The following PRRC2B variants were observed in gnomAD, a reference collection of about 807,000 sequenced individuals.
PRRC2B encodes the protein protein PRRC2B.
A neutral mutation model predicts 242.3 loss-of-function variants in PRRC2B; 68 were observed. The observed-to-expected ratio is 0.28, with a 90% confidence interval of 0.23 to 0.34. The LOEUF (loss-of-function observed/expected upper bound fraction) is 0.34. PRRC2B is among the 10% of genes least tolerant of loss of function. PRRC2B has a pLI of 1.00. For missense variants in PRRC2B, 2,835 were observed against 2,954.8 expected, an observed-to-expected ratio of 0.96 and a Z score of 0.94; for synonymous variants, 1,228 against 1,173.6, an observed-to-expected ratio of 1.05 and a Z score of -0.95.
Position 131,430,141 on chromosome 9 carries a change from C to T in PRRC2B, c.-4C>T, listed in dbSNP as rs780913704. On this transcript the variant is annotated 5_prime_UTR_variant, in exon 2 of 32. Transcript: ENST00000683519. Reference sequence around the variant, plus strand: ...ATTTCCTTACTAGATGACATTTCATCGCAATGTCCGATCGTTTGGGGCAAA... The same window carrying T: ...ATTTCCTTACTAGATGACATTTCATTGCAATGTCCGATCGTTTGGGGCAAA... 6 of 1,567,168 alleles carry T rather than the reference C, an allele frequency of 3.8e-6. No individual in the cohort carries two copies. The highest frequency in any genetic ancestry group is 1.8e-5 in the Admixed American group (1 of 57,000).
At chr9:131,492,327 C>A in intron 30 of PRRC2B, 67 bp downstream of exon 30, 2 of 1,323,036 alleles carry the variant, frequency 1.5e-6, no homozygotes, top group Non-Finnish European at 2.2e-6. Context: ...GGCCCAGTGA[C>A]TCAGAAGAAT....
At chr9:131,464,289 T>C (rs1943329175) in intron 11 of PRRC2B, among the ~76,000 whole-genome samples, 1 of 152,206 alleles carries the variant, frequency 6.6e-6, no homozygotes, top group African/African-American at 2.4e-5. Context: ...TGACAGTGAA[T>C]TTCATTTTCC....
chr9:131,475,990 C>T lies in PRRC2B; in HGVS notation c.3861C>T (p.His1287=), dbSNP rs779437564. 1.1e-5 allele frequency: 18 copies of T among 1,607,814 alleles called. No homozygotes were observed. In the Admixed American group the frequency reaches 1.2e-4, roughly 10 times the overall value. ...EDKRSFFQDE[H]VADSENAENR... is the part of the protein sequence containing the mutation. ...AGAGATCCTTCTTCCAAGATGAACA[C>T]GTGGCAGATTCTGAAAATGCAGAGA... Residue 1287 remains histidine, a synonymous_variant, in exon 16 of 32, where the codon CAC becomes CAT. Transcript: ENST00000683519.
At chr9:131,489,601 A>G (rs1311697554) in intron 28 of PRRC2B, among the ~76,000 whole-genome samples, 3 of 148,416 alleles carry the variant, frequency 2.0e-5, no homozygotes, top group South Asian at 4.3e-4. Context: ...GTCAACCCCC[A>G]CCCTCCTAGC....
chr9:131,452,316 G>C (rs184831990), intron 9 of PRRC2B, among the ~76,000 whole-genome samples: 106 of 152,194 alleles, frequency 7.0e-4, no homozygotes, highest in Admixed American at 1.6e-3. Flanking sequence ...TGCCTGGCCA[G>C]TATTACTTTA....
intron 1 of PRRC2B, among the ~76,000 whole-genome samples, chr9:131,412,110 A>T (rs1201666554): frequency 6.6e-6 from 1 of 152,018 alleles, no homozygotes; most frequent in African/African-American, 2.4e-5. Flanking sequence ...CCTGGCCTGA[A>T]TTTTTCTTAA....
At chr9:131,481,346 T>C (rs1045851706) in intron 19 of PRRC2B, among the ~76,000 whole-genome samples, 30 of 151,376 alleles carry the variant, frequency 2.0e-4, no homozygotes, top group African/African-American at 5.4e-4. Flanking sequence ...AGATATATTT[T>C]TTAATGTAAA....
chr9:131,495,785 C>A lies in PRRC2B; in HGVS notation c.6601C>A (p.Leu2201Met), dbSNP rs1428353366. Residue 2201 changes from leucine to methionine, a missense_variant, in exon 32 of 32, where the codon CTG becomes ATG. Leu to Met is a conservative substitution (Grantham distance 15, BLOSUM62 2). Coordinates refer to ENST00000683519, the MANE Select transcript of PRRC2B (RefSeq NM_013318.4). ...GAAACCCAGCCTGGGAGCCGTGAAG[C>A]TGCAGGAGGCCCCCTCGGCTGCCTC... The part of the protein sequence containing the change: ...DEKPSLGAVK[L>M]QEAPSAASQM... 4 of 1,612,956 alleles carry A rather than the reference C, an allele frequency of 2.5e-6. No homozygotes were observed. Among genetic ancestry groups the A allele is most frequent in the Non-Finnish European group, 3.4e-6 (4 of 1,179,016 alleles).
rs534595119 is a variant in PRRC2B, at chr9:131,408,154, C to T, written c.-52+13891C>T. Among the ~76,000 whole-genome samples the T allele has an allele frequency of 2.0e-5, 3 of 152,312 alleles. No individual in the cohort carries two copies. In the East Asian group the frequency reaches 5.8e-4, roughly 29 times the overall value. On this transcript the variant is annotated intron_variant, in intron 1 of 31. Coordinates refer to ENST00000683519, the MANE Select transcript of PRRC2B (RefSeq NM_013318.4). ...AGGCTGTGTTCTCTGCCTGTCTGGG[C>T]ATTTGCTGCCGAAGGGCGTCTGACT...
At chr9:131,466,604 A>G (rs929996585) in intron 12 of PRRC2B, among the ~76,000 whole-genome samples, 4 of 147,294 alleles carry the variant, frequency 2.7e-5, no homozygotes, top group Non-Finnish European at 5.9e-5. Context: ...CACTGAGTTC[A>G]TGGCTGTTCT....
chr9:131,475,799 T>C lies in PRRC2B; in HGVS notation c.3670T>C (p.Ser1224Pro). Reference sequence around the variant, plus strand: ...ACGGAGAACCTTCGTCTCCAAAGAGTCACCCCACTGGCAGAGCAAAAGTCC... The same window carrying C: ...ACGGAGAACCTTCGTCTCCAAAGAGCCACCCCACTGGCAGAGCAAAAGTCC... ...YGRRTFVSKESPHWQSKSPGS... is the reference protein window; with the variant it reads ...YGRRTFVSKEPPHWQSKSPGS... Residue 1224 changes from serine (S) to proline (P), a missense_variant, in exon 16 of 32, where the codon TCA becomes CCA. By Grantham distance (74) the Ser-to-Pro change is moderately conservative. Transcript: ENST00000683519. The C allele has an allele frequency of 6.2e-7, 1 of 1,612,130 alleles. No individual in the cohort carries two copies.
At chr9:131,492,858 C>T (rs921601320) in intron 30 of PRRC2B, among the ~76,000 whole-genome samples, 16 of 152,240 alleles carry the variant, frequency 1.1e-4, no homozygotes, top group Middle Eastern at 3.2e-3. Context: ...ACTGCCTTTT[C>T]TGCCCGTGCT....
At chr9:131,478,105 C>G (rs1470320568) in intron 17 of PRRC2B, among the ~76,000 whole-genome samples, 156 bp downstream of exon 17, 1 of 152,110 alleles carries the variant, frequency 6.6e-6, no homozygotes, top group Non-Finnish European at 1.5e-5. Flanking sequence ...TAGAGGTGAG[C>G]AGAGTAGGTA....
At chr9:131,414,796 T>C (rs1837601783) in intron 1 of PRRC2B, among the ~76,000 whole-genome samples, 4 of 151,930 alleles carry the variant, frequency 2.6e-5, no homozygotes, top group Admixed American at 6.5e-5. Context: ...TCTTGAACTA[T>C]TGACCTCAAG....
chr9:131,475,200 A>C lies in PRRC2B; in HGVS notation c.3071A>C (p.Glu1024Ala). ...GREATKFEEE[E>A]KPDKAWEARP... is the part of the protein sequence containing the mutation. ...GAGGCCACCAAATTTGAAGAGGAGG[A>C]GAAACCTGACAAGGCCTGGGAAGCC... The change falls in exon 16 of 32, where the codon GAG becomes GCG. Residue 1024 changes from glutamate (E) to alanine (A), a missense_variant. Glu to Ala is a moderately radical substitution (Grantham distance 107). Around this residue, in one of 7 missense-constraint regions of PRRC2B, gnomAD observed 1,536 missense variants for 1,483.1 expected, o/e 1.04. Coordinates refer to ENST00000683519, the MANE Select transcript of PRRC2B (RefSeq NM_013318.4). 6.2e-7 allele frequency: 1 copy of C among 1,613,810 alleles called. No individual in the cohort carries two copies. Among genetic ancestry groups the C allele is most frequent in the Non-Finnish European group, 8.5e-7 (1 of 1,179,862 alleles).
chr9:131,483,452 C>T lies in PRRC2B; in HGVS notation c.5460+7C>T. ...GGATGCCTTGGCCAGTAATGTAAGTCCACACTTCCACTTTTGGCTCCACTC... is the reference window on the plus strand; with the variant it reads ...GGATGCCTTGGCCAGTAATGTAAGTTCACACTTCCACTTTTGGCTCCACTC... On this transcript the variant is annotated splice_region_variant and intron_variant, in intron 23 of 31. Transcript: ENST00000683519. The T allele has an allele frequency of 6.2e-7, 1 of 1,612,444 alleles. No homozygotes were observed. The highest frequency in any genetic ancestry group is 8.5e-7 in the Non-Finnish European group (1 of 1,178,772).
intron 1 of PRRC2B, among the ~76,000 whole-genome samples, chr9:131,384,709 C>T (rs1237643073): frequency 2.0e-5 from 3 of 152,028 alleles, no homozygotes; most frequent in African/African-American, 4.8e-5. Flanking sequence ...TGAGCCACTG[C>T]GCCTGGCTTA....
chr9:131,452,202 G>A (rs1468452766), intron 9 of PRRC2B, among the ~76,000 whole-genome samples: 2 of 152,088 alleles, frequency 1.3e-5, no homozygotes, highest in Admixed American at 1.3e-4. Context: ...CCCAGGCTGA[G>A]TGCACTGCTG....
At chr9:131,386,541 C>T (rs1836827886) in intron 1 of PRRC2B, among the ~76,000 whole-genome samples, 1 of 150,220 alleles carries the variant, frequency 6.7e-6, no homozygotes, top group South Asian at 2.1e-4. Context: ...CTTAATACTT[C>T]CTCATCTGTC....
Sources: allele counts gnomAD v4.1 joint callset (sites outside exome capture counted in the v4.1 genomes callset), GRCh38; gene constraint gnomAD v4.1.1; regional missense constraint gnomAD v4.1.1; transcripts MANE v1.5; gene names NCBI Gene and HGNC (gene_info 2026-07-23, HGNC 2026-07-21).